Variants in VDAC1 observed in about 807,000 individuals in gnomAD.
VDAC1 encodes the protein voltage dependent anion channel 1, also known as non-selective voltage-gated ion channel VDAC1.
VDAC1 carries 10 observed loss-of-function variants against 34.7 expected under a neutral mutation model. That is an observed-to-expected ratio of 0.29 (90% CI 0.18 to 0.49). The LOEUF (loss-of-function observed/expected upper bound fraction) is 0.49, where lower values mean the gene tolerates loss of function less well. VDAC1 is among the 20% of genes least tolerant of loss of function. The pLI is 0.99. For synonymous variants in VDAC1, 130 were observed against 136.0 expected (o/e 0.96, Z 0.30); for missense variants, 230 against 347.9 (o/e 0.66, Z 2.69).
the VDAC1 span, among the ~76,000 whole-genome samples, chr5:134,104,643 C>T: frequency 2.0e-5 from 3 of 152,206 alleles, no homozygotes; most frequent in African/African-American, 7.2e-5. Flanking sequence ...TTTCCAAAAC[C>T]ATGGGCCAGG....
chr5:134,076,204 C>A, the VDAC1 span, among the ~76,000 whole-genome samples: 1 of 152,096 alleles, frequency 6.6e-6, no homozygotes, highest in African/African-American at 2.4e-5. Context: ...GTCTTGAACT[C>A]CTGACCTTAG....
chr5:134,106,684 G>T, the VDAC1 span, among the ~76,000 whole-genome samples: 1 of 152,254 alleles, frequency 6.6e-6, no homozygotes, highest in East Asian at 1.9e-4. Flanking sequence ...GGGATTACAG[G>T]CGTGAGCCAC....
At chr5:134,063,655 G>C in the VDAC1 span, among the ~76,000 whole-genome samples, 1 of 152,138 alleles carries the variant, frequency 6.6e-6, no homozygotes, top group Non-Finnish European at 1.5e-5. Context: ...TGCTAGACAC[G>C]TGAGGGAGGG....
At chr5:134,014,541 A>G in the VDAC1 span, among the ~76,000 whole-genome samples, 17 of 152,180 alleles carry the variant, frequency 1.1e-4, no homozygotes. Context: ...TTTCTCAAAG[A>G]ACTAAAAATA....
the VDAC1 span, among the ~76,000 whole-genome samples, chr5:134,030,519 A>G: frequency 6.6e-6 from 1 of 152,062 alleles, no homozygotes; most frequent in South Asian, 2.1e-4. Context: ...TCTGTTTGAA[A>G]GCTCTAATAA....
the VDAC1 span, among the ~76,000 whole-genome samples, chr5:134,057,890 T>TTTTTG: frequency 4.3e-4 from 65 of 152,186 alleles, 1 homozygote; most frequent in South Asian, 0.011. Flanking sequence ...TTCTCACTGT[T>TTTTTG]TTTTGTTTTG....
At chr5:134,057,817 C>T in the VDAC1 span, among the ~76,000 whole-genome samples, 2 of 152,144 alleles carry the variant, frequency 1.3e-5, no homozygotes, top group African/African-American at 4.8e-5. Context: ...CGCTTCAACA[C>T]TGGATATTTT....
chr5:134,048,220 G>C, the VDAC1 span, among the ~76,000 whole-genome samples: 5 of 151,598 alleles, frequency 3.3e-5, no homozygotes, highest in Non-Finnish European at 7.4e-5. Context: ...TGCCTGCCTC[G>C]GCCTCCCAAA....
intron 1 of VDAC1, among the ~76,000 whole-genome samples, chr5:133,997,491 A>T (rs1227630951): frequency 2.0e-5 from 3 of 151,178 alleles, no homozygotes; most frequent in Non-Finnish European, 4.4e-5. Flanking sequence ...TCAGGCCAGG[A>T]CTTCCAGATC....
chr5:134,018,417 C>T, the VDAC1 span, among the ~76,000 whole-genome samples: 1 of 152,206 alleles, frequency 6.6e-6, no homozygotes, highest in South Asian at 2.1e-4. Context: ...AACACTGGGG[C>T]TCATATTCCA....
upstream of VDAC1, among the ~76,000 whole-genome samples, chr5:134,009,476 CT>C (rs1753800161): frequency 6.6e-6 from 1 of 151,638 alleles, no homozygotes; most frequent in Non-Finnish European, 1.5e-5. Context: ...CCAGGCTGGT[CT>C]CAAACTCCTG....
chr5:134,005,353 C>G (rs961871462), upstream of VDAC1: 2 of 152,224 alleles, frequency 1.3e-5, no homozygotes, highest in East Asian at 3.9e-4. Flanking sequence ...GTAGAGGCGG[C>G]GACTGTTGCT....
At chr5:134,009,393 G>A (rs193018790), upstream of VDAC1, among the ~76,000 whole-genome samples, 287 of 148,888 alleles carry the variant, frequency 1.9e-3, no homozygotes, top group African/African-American at 6.9e-3. Context: ...CAAGTAGCTG[G>A]GATTACAGGT....
chr5:133,995,508 C>G (rs966711790), intron 1 of VDAC1, among the ~76,000 whole-genome samples: 1 of 152,270 alleles, frequency 6.6e-6, no homozygotes, highest in Non-Finnish European at 1.5e-5. Flanking sequence ...ACAGAAACCA[C>G]TGGCTGAATG....
chr5:134,042,170 G>A, the VDAC1 span, among the ~76,000 whole-genome samples: 64 of 152,202 alleles, frequency 4.2e-4, no homozygotes, highest in Non-Finnish European at 8.7e-4. Flanking sequence ...TACTGACCAG[G>A]CACTGATGGC....
At chr5:134,002,782 T>C (rs968532642) in intron 1 of VDAC1, among the ~76,000 whole-genome samples, 1 of 151,870 alleles carries the variant, frequency 6.6e-6, no homozygotes, top group African/African-American at 2.4e-5. Flanking sequence ...CTGGCAAACA[T>C]GGTGAAACCC....
chr5:134,099,311 G>C, the VDAC1 span, among the ~76,000 whole-genome samples: 7 of 152,280 alleles, frequency 4.6e-5, no homozygotes, highest in Non-Finnish European at 8.8e-5. Flanking sequence ...TCTTCAATGG[G>C]ACCAGCCTTT....
the VDAC1 span, among the ~76,000 whole-genome samples, chr5:134,064,502 C>T: frequency 6.6e-6 from 1 of 151,994 alleles, no homozygotes; most frequent in African/African-American, 2.4e-5. Flanking sequence ...TGGGGTTTCA[C>T]CATGTTGGCC....
chr5:134,039,390 G>A, the VDAC1 span, among the ~76,000 whole-genome samples: 24 of 152,202 alleles, frequency 1.6e-4, no homozygotes, highest in South Asian at 2.1e-4. Flanking sequence ...GTGCAGTGGC[G>A]CAATCTCGGC....
Sources: allele counts gnomAD v4.1 joint callset (sites outside exome capture counted in the v4.1 genomes callset), GRCh38; gene constraint gnomAD v4.1.1; transcripts MANE v1.5; gene names NCBI Gene and HGNC (gene_info 2026-07-23, HGNC 2026-07-21).